Variants in FBLN1 observed in about 807,000 individuals in gnomAD.
FBLN1 encodes the protein fibulin 1, also known as fibulin-1.
FBLN1 carries 34 observed loss-of-function variants against 89.7 expected under a neutral mutation model. That is an observed-to-expected ratio of 0.38 (90% CI 0.29 to 0.50). The LOEUF is 0.50. FBLN1 is among the 20% of genes least tolerant of loss of function. The probability of loss-of-function intolerance (pLI) is 0.92; values close to 1 mark genes in which losing one functional copy is unlikely to be tolerated. For missense variants in FBLN1, 777 were observed against 988.1 expected (o/e 0.79, Z 2.86); for synonymous variants, 393 against 391.3 (o/e 1.00, Z -0.05).
chr22:45,543,276 GA>G lies in FBLN1; in HGVS notation c.1196-117del, dbSNP rs564945895. ...GCGAGACTCCATCTCAAAGATGAAG[GA>G]AAAAAAAGAAATGAGGCTGGAGGAG... is the stretch of plus-strand genomic sequence containing the variant. On this transcript the variant is annotated intron_variant, in intron 10 of 16. Coordinates refer to ENST00000327858, the MANE Select transcript of FBLN1 (RefSeq NM_006486.3). 2.8e-4 allele frequency: 341 copies of G among 1,229,454 alleles called. 1 individual carries two copies. The highest frequency in any genetic ancestry group is 1.6e-3 in the South Asian group (123 of 78,498). 76.2% of individuals were successfully genotyped at this position (1,229,454 alleles called of 1,614,324 possible).
At chr22:45,558,041 C>A (rs1483561841) in intron 14 of FBLN1, 1 of 715,832 alleles carries the variant, frequency 1.4e-6, no homozygotes. Context: ...GATCTGTGAA[C>A]CAGGCCCTAG....
chr22:45,563,388 G>T lies in FBLN1; in HGVS notation c.1698-11123G>T. On this transcript the variant is annotated intron_variant, in intron 14 of 16. Transcript: ENST00000327858. The surrounding 1 kb of genome is among the most constrained non-coding windows in gnomAD (Gnocchi z 5.7). Reference sequence around the variant, plus strand: ...GCCTCGCGTGCCTTGGTTTTATTTGGCATGGTTGGGAGTCTGTGCCGCTTG... The same window carrying T: ...GCCTCGCGTGCCTTGGTTTTATTTGTCATGGTTGGGAGTCTGTGCCGCTTG... The T allele has an allele frequency of 6.5e-7, 1 of 1,538,134 alleles. No homozygotes were observed. The highest frequency in any genetic ancestry group is 8.7e-7 in the Non-Finnish European group (1 of 1,148,322).
chr22:45,552,157 C>T (rs573117635), intron 14 of FBLN1, among the ~76,000 whole-genome samples: 2 of 152,370 alleles, frequency 1.3e-5, no homozygotes, highest in African/African-American at 2.4e-5. Flanking sequence ...GCTTTGTCCC[C>T]GCACAGGCTC....
intron 8 of FBLN1, among the ~76,000 whole-genome samples, chr22:45,539,431 C>T (rs136751): frequency 0.36 from 53,953 of 151,690 alleles, 10,295 homozygotes; most frequent in Middle Eastern, 0.51. Flanking sequence ...GAGCTCTTGA[C>T]CTCAGGTGAT....
chr22:45,529,886 A>G (rs1436348705), intron 4 of FBLN1, among the ~76,000 whole-genome samples: 2 of 151,976 alleles, frequency 1.3e-5, no homozygotes, highest in African/African-American at 4.8e-5. Flanking sequence ...AATAAAATAA[A>G]TAAAGAGGTG....
chr22:45,533,134 C>G lies in FBLN1; in HGVS notation c.616C>G (p.Gln206Glu). ...EVVCSCFVGY[Q>E]LLSDGVSCED... is the part of the protein sequence containing the mutation. ...GGTCTGCTCCTGCTTCGTGGGCTAC[C>G]AGCTGCTGTCTGATGGTGTCTCCTG... The change falls in exon 6 of 17, where the codon CAG (glutamine) becomes GAG (glutamate). Residue 206 changes from glutamine to glutamate, a missense_variant. Physicochemically the swap from Gln to Glu is conservative, Grantham distance 29. Transcript: ENST00000327858. 1.2e-6 allele frequency: 2 copies of G among 1,614,162 alleles called. No homozygotes were observed. The highest frequency in any genetic ancestry group is 1.7e-6 in the Non-Finnish European group (2 of 1,179,998).
rs1400705518 is a variant in FBLN1 at position 45,590,179 on chromosome 22, G to A, written c.1973-10128G>A. ...CTCTGACCTGCAGGCCTGGGGCTCA[G>A]GACCCCCTCTCTGCACTCAAGGGCT... On this transcript the variant is annotated intron_variant, in intron 16 of 16. Coordinates refer to ENST00000327858, the MANE Select transcript of FBLN1 (RefSeq NM_006486.3). The surrounding 1 kb of genome is among the most constrained non-coding windows in gnomAD (Gnocchi z 4.1). 6.6e-6 allele frequency among the ~76,000 whole-genome samples: 1 copy of A among 152,190 alleles called. No homozygotes were observed. The highest frequency in any genetic ancestry group is 1.5e-5 in the Non-Finnish European group (1 of 68,030).
In FBLN1 at chr22:45,583,640, T is replaced by G. The variant is rs564816146; in HGVS notation, c.1972+6532T>G. 6.6e-6 allele frequency among the ~76,000 whole-genome samples: 1 copy of G among 152,292 alleles called. No individual in the cohort carries two copies. The highest frequency in any genetic ancestry group is 1.9e-4 in the East Asian group (1 of 5,184). On this transcript the variant is annotated intron_variant, in intron 16 of 16. Coordinates refer to ENST00000327858, the MANE Select transcript of FBLN1 (RefSeq NM_006486.3). This position sits in a 1 kb window ranked among gnomAD's most constrained non-coding sequence, Gnocchi z 4.5. ...TTCTAGGCCTGATCAGGAAGGAAGC[T>G]GGGTTTTGGTGTGCCAGTCAGGTGA...
chr22:45,507,780 G>A (rs1215024786), intron 1 of FBLN1, among the ~76,000 whole-genome samples: 1 of 152,100 alleles, frequency 6.6e-6, no homozygotes, highest in Non-Finnish European at 1.5e-5. Context: ...CACCTGTCTC[G>A]GCCTCCCAAA....
chr22:45,599,587 C>G (rs940626786), intron 16 of FBLN1, among the ~76,000 whole-genome samples: 1 of 152,122 alleles, frequency 6.6e-6, no homozygotes, highest in African/African-American at 2.4e-5. Context: ...TATCAGGTAC[C>G]CACTGCATGC....
intron 1 of FBLN1, among the ~76,000 whole-genome samples, chr22:45,514,495 C>G (rs2088143370): frequency 6.6e-6 from 1 of 152,208 alleles, no homozygotes; most frequent in Admixed American, 6.5e-5. Flanking sequence ...ACCCCTAGCT[C>G]ATCCCTGGCT....
chr22:45,585,646 G>A (rs912412279), intron 16 of FBLN1, among the ~76,000 whole-genome samples: 16 of 152,340 alleles, frequency 1.1e-4, no homozygotes, highest in Admixed American at 9.1e-4. Context: ...TCTTTCCCAG[G>A]GTGCTGGGCC....
intron 6 of FBLN1, 76 bp from the exon 7 acceptor site, chr22:45,533,685 G>A: frequency 6.4e-7 from 1 of 1,565,180 alleles, no homozygotes; most frequent in Non-Finnish European, 8.7e-7. Flanking sequence ...CCGTGGCTTT[G>A]GCACATTCCT....
At chr22:45,518,842 TG>T in intron 2 of FBLN1, 55 bp downstream of exon 2, 1 of 1,448,012 alleles carries the variant, frequency 6.9e-7, no homozygotes, top group Admixed American at 1.9e-5. Flanking sequence ...TAGAGAAAAG[TG>T]GGGGAGGAAG....
At position 45,550,432 on chromosome 22, in the gene FBLN1, C is replaced by T; in HGVS notation, c.1574-60C>T. 6.2e-7 allele frequency: 1 copy of T among 1,612,870 alleles called. No individual in the cohort carries two copies. The highest frequency in any genetic ancestry group is 8.5e-7 in the Non-Finnish European group (1 of 1,179,762). On this transcript the variant is annotated intron_variant, in intron 13 of 16. Coordinates refer to ENST00000327858, the MANE Select transcript of FBLN1 (RefSeq NM_006486.3). The surrounding 1 kb of genome is among the most constrained non-coding windows in gnomAD (Gnocchi z 8.4). ...TGGGAGGCCTGGGCTCCTCCGTCTC[C>T]AGATGGGTATGGCTCCTGCAGCCTC...
rs2089125901 is a variant in FBLN1 at position 45,590,408 on chromosome 22, A to C, written c.1973-9899A>C. 6.6e-6 allele frequency among the ~76,000 whole-genome samples: 1 copy of C among 152,184 alleles called. No homozygotes were observed. Among genetic ancestry groups the C allele is most frequent in the Non-Finnish European group, 1.5e-5 (1 of 68,018 alleles). ...CACCTTGGGGGATTGCAAGGGGTTCAGTGTGGCTGGGGCAGTGTGCTGAGA... is the reference window on the plus strand; with the variant it reads ...CACCTTGGGGGATTGCAAGGGGTTCCGTGTGGCTGGGGCAGTGTGCTGAGA... On this transcript the variant is annotated intron_variant, in intron 16 of 16. Coordinates refer to ENST00000327858, the MANE Select transcript of FBLN1 (RefSeq NM_006486.3). The surrounding 1 kb of genome is among the most constrained non-coding windows in gnomAD (Gnocchi z 4.1).
At chr22:45,511,839 G>A (rs186693737) in intron 1 of FBLN1, among the ~76,000 whole-genome samples, 17 of 152,160 alleles carry the variant, frequency 1.1e-4, no homozygotes, top group Non-Finnish European at 2.4e-4. Flanking sequence ...GTTTTAACCC[G>A]CAGCGTTGCC....
intron 1 of FBLN1, among the ~76,000 whole-genome samples, chr22:45,504,289 G>T (rs1374082810): frequency 6.6e-6 from 1 of 152,140 alleles, no homozygotes; most frequent in African/African-American, 2.4e-5. Context: ...GCAGAGCCCT[G>T]TGGAGCTCTG....
chr22:45,560,289 C>T (rs1214176928), intron 14 of FBLN1, among the ~76,000 whole-genome samples: 1 of 152,234 alleles, frequency 6.6e-6, no homozygotes, highest in Non-Finnish European at 1.5e-5. Flanking sequence ...TTAGATCTGA[C>T]ATACCAAGAC....
Sources: allele counts gnomAD v4.1 joint callset (sites outside exome capture counted in the v4.1 genomes callset), GRCh38; gene constraint gnomAD v4.1.1; non-coding constraint Gnocchi (gnomAD v3.1); transcripts MANE v1.5; gene names NCBI Gene and HGNC (gene_info 2026-07-23, HGNC 2026-07-21).